Variants in UBE2U observed in about 807,000 individuals in gnomAD.
The protein encoded by UBE2U is ubiquitin-conjugating enzyme E2 U.
Under a neutral mutation model 41.2 loss-of-function variants are expected in UBE2U, and 39 were observed. The ratio of observed to expected loss-of-function variants is 0.95; its 90% CI spans 0.73 to 1.24. UBE2U has a LOEUF of 1.24. Ranked by LOEUF, UBE2U falls within the 50% of genes most tolerant of loss-of-function variation. The pLI, the probability that UBE2U is intolerant of heterozygous loss-of-function variation, is 0.00. For missense variants in UBE2U, 336 were observed against 363.1 expected (o/e 0.93, Z 0.61); for synonymous variants, 107 against 117.8 (o/e 0.91, Z 0.60).
intron 8 of UBE2U, among the ~76,000 whole-genome samples, chr1:64,256,677 T>TG (rs1645097425): frequency 6.6e-6 from 1 of 151,814 alleles, no homozygotes; most frequent in Non-Finnish European, 1.5e-5. Flanking sequence ...TAGATGAAAA[T>TG]CTAGGCAATA....
chr1:64,205,501 G>C, intron 1 of UBE2U, 138 bp from the exon 2 acceptor site: 1 of 672,416 alleles, frequency 1.5e-6, no homozygotes. Context: ...CACTTCCCCA[G>C]AGCAGCAAAT....
At chr1:64,223,367 GA>G (rs1195457934) in intron 6 of UBE2U, among the ~76,000 whole-genome samples, 2 of 152,292 alleles carry the variant, frequency 1.3e-5, no homozygotes, top group Admixed American at 1.3e-4. Flanking sequence ...GGTCAATGTA[GA>G]CAGTATTTGC....
intron 9 of UBE2U, among the ~76,000 whole-genome samples, chr1:64,263,224 A>G (rs1645206022): frequency 6.6e-6 from 1 of 152,086 alleles, no homozygotes; most frequent in Non-Finnish European, 1.5e-5. Context: ...ATTATTGTTC[A>G]GAAATATTAA....
chr1:64,241,584 A>G (rs1357865202), intron 7 of UBE2U, 68 bp from the exon 8 acceptor site: 3 of 1,128,030 alleles, frequency 2.7e-6, no homozygotes, highest in African/African-American at 1.6e-5. Flanking sequence ...AATGATTTTT[A>G]ACTTTTAACT....
chr1:64,242,180 C>A (rs999576884), intron 8 of UBE2U, among the ~76,000 whole-genome samples: 16 of 152,060 alleles, frequency 1.1e-4, no homozygotes, highest in African/African-American at 3.9e-4. Context: ...TATATTAAAT[C>A]TAATGAAGAA....
intron 3 of UBE2U, among the ~76,000 whole-genome samples, chr1:64,209,810 A>G (rs1021298158): frequency 1.3e-5 from 2 of 152,078 alleles, no homozygotes; most frequent in African/African-American, 2.4e-5. Context: ...GCACCTTCCA[A>G]TTCTGGCCAT....
intron 5 of UBE2U, 47 bp from the exon 6 acceptor site, chr1:64,220,812 T>G (rs908350634): frequency 7.1e-7 from 1 of 1,414,996 alleles, no homozygotes; most frequent in African/African-American, 1.4e-5. Flanking sequence ...AAGCCATATA[T>G]TCAATCTCCA....
At chr1:64,239,110 A>AG (rs1491522446) in intron 7 of UBE2U, among the ~76,000 whole-genome samples, 80 of 19,188 alleles carry the variant, frequency 4.2e-3, no homozygotes, top group East Asian at 0.023. Flanking sequence ...AAGAAGAAGA[A>AG]GAAGAAGAAG....
At chr1:64,246,845 A>G (rs546534178) in intron 8 of UBE2U, among the ~76,000 whole-genome samples, 2 of 152,344 alleles carry the variant, frequency 1.3e-5, no homozygotes, top group Non-Finnish European at 2.9e-5. Context: ...CTAAGGTTAT[A>G]TACTTAGTAA....
chr1:64,212,169 A>G (rs1417052159), intron 4 of UBE2U, among the ~76,000 whole-genome samples: 1 of 152,114 alleles, frequency 6.6e-6, no homozygotes, highest in African/African-American at 2.4e-5. Flanking sequence ...TTGAGCAAAA[A>G]ATTTAAGGGA....
At chr1:64,260,026 G>A (rs1311857094) in intron 8 of UBE2U, among the ~76,000 whole-genome samples, 3 of 151,636 alleles carry the variant, frequency 2.0e-5, no homozygotes, top group Admixed American at 6.6e-5. Context: ...TTATAAGAGA[G>A]CAGAACTACA....
At chr1:64,242,784 GT>G (rs1372577331) in intron 8 of UBE2U, among the ~76,000 whole-genome samples, 2 of 152,118 alleles carry the variant, frequency 1.3e-5, no homozygotes, top group Non-Finnish European at 2.9e-5. Context: ...GAAGTAGAAA[GT>G]TTTTTATCCA....
intron 7 of UBE2U, among the ~76,000 whole-genome samples, chr1:64,233,372 A>C (rs1039081): frequency 0.19 from 28,437 of 151,770 alleles, 3,011 homozygotes; most frequent in Non-Finnish European, 0.24. Flanking sequence ...CTCCTGGCCT[A>C]AAGCAATCCT....
At chr1:64,259,435 C>A (rs1645147943) in intron 8 of UBE2U, among the ~76,000 whole-genome samples, 1 of 152,046 alleles carries the variant, frequency 6.6e-6, no homozygotes, top group South Asian at 2.1e-4. Context: ...AGATTTTCTT[C>A]TAGGGTTTTT....
intron 3 of UBE2U, among the ~76,000 whole-genome samples, chr1:64,208,980 T>A (rs915305870): frequency 1.3e-5 from 2 of 152,228 alleles, no homozygotes; most frequent in Non-Finnish European, 2.9e-5. Context: ...TGTGTATACA[T>A]ATATGTGTTT....
chr1:64,239,189 A>G (rs968734727), intron 7 of UBE2U, among the ~76,000 whole-genome samples: 4 of 147,852 alleles, frequency 2.7e-5, no homozygotes, highest in South Asian at 4.5e-4. Flanking sequence ...AAGAAGAAGA[A>G]GAAAGCCCCA....
intron 8 of UBE2U, among the ~76,000 whole-genome samples, chr1:64,250,269 T>C (rs2100501955): frequency 6.6e-6 from 1 of 152,308 alleles, no homozygotes; most frequent in South Asian, 2.1e-4. Context: ...AGGCAACATC[T>C]ACCAAGCCTC....
At chr1:64,252,746 C>T (rs2100513754) in intron 8 of UBE2U, among the ~76,000 whole-genome samples, 1 of 152,244 alleles carries the variant, frequency 6.6e-6, no homozygotes, top group East Asian at 1.9e-4. Flanking sequence ...CCCACAAAAA[C>T]CTCATTCAAA....
At chr1:64,220,385 C>T (rs6679491) in intron 5 of UBE2U, among the ~76,000 whole-genome samples, 2,463 of 152,242 alleles carry the variant, frequency 0.016, 74 homozygotes, top group African/African-American at 0.057. Flanking sequence ...TTACTCCATC[C>T]TGTTTTGTTT....
Sources: allele counts gnomAD v4.1 joint callset (sites outside exome capture counted in the v4.1 genomes callset), GRCh38; gene constraint gnomAD v4.1.1; transcripts MANE v1.5; gene names NCBI Gene and HGNC (gene_info 2026-07-23, HGNC 2026-07-21).